NETO1: variants seen among roughly 807,000 people sequenced by gnomAD.
NETO1 encodes the protein neuropilin and tolloid like 1, also known as neuropilin and tolloid-like protein 1.
In NETO1, 26 loss-of-function variants were observed where a neutral mutation model predicts 61.3. The observed-to-expected ratio is 0.42, with a 90% CI of 0.31 to 0.59. The LOEUF (loss-of-function observed/expected upper bound fraction) is 0.59, where lower values mean the gene tolerates loss of function less well. Ranked by LOEUF, NETO1 falls within the 20% of genes least tolerant of loss-of-function variation. The pLI is 0.12. For missense variants in NETO1, 531 were observed against 662.8 expected (o/e 0.80, Z 2.18); for synonymous variants, 225 against 225.8 (o/e 1.00, Z 0.03).
intron 4 of NETO1, among the ~76,000 whole-genome samples, chr18:72,827,341 T>C (rs1451730693): frequency 6.6e-6 from 1 of 152,086 alleles, no homozygotes; most frequent in East Asian, 1.9e-4. Flanking sequence ...CAGGCCTCCA[T>C]GTACTCAGCA....
chr18:72,811,969 C>G (rs1458957405), intron 4 of NETO1, among the ~76,000 whole-genome samples: 1 of 152,176 alleles, frequency 6.6e-6, no homozygotes, highest in African/African-American at 2.4e-5. Flanking sequence ...GGGAATGAAG[C>G]AAGCAGCTCT....
chr18:72,850,366 T>C (rs1226746470), intron 4 of NETO1, among the ~76,000 whole-genome samples: 1 of 152,214 alleles, frequency 6.6e-6, no homozygotes, highest in Non-Finnish European at 1.5e-5. Context: ...TATACTCAAG[T>C]AGTTGTAATG....
chr18:72,831,040 C>T (rs957975538), intron 4 of NETO1, among the ~76,000 whole-genome samples: 6 of 152,126 alleles, frequency 3.9e-5, no homozygotes, highest in Non-Finnish European at 7.4e-5. Context: ...CCCCCTTACC[C>T]CACTACCTGA....
At chr18:72,778,720 G>A (rs2071640136) in intron 7 of NETO1, among the ~76,000 whole-genome samples, 1 of 152,030 alleles carries the variant, frequency 6.6e-6, no homozygotes, top group Non-Finnish European at 1.5e-5. Context: ...AATAACTTAG[G>A]AATTATCTAA....
At chr18:72,790,681 T>C (rs1447283969) in intron 6 of NETO1, among the ~76,000 whole-genome samples, 1 of 152,116 alleles carries the variant, frequency 6.6e-6, no homozygotes, top group Non-Finnish European at 1.5e-5. Context: ...TTCTCTAGTT[T>C]CAAACTTTCA....
chr18:72,823,699 G>T (rs980022711), intron 4 of NETO1, among the ~76,000 whole-genome samples: 18 of 152,100 alleles, frequency 1.2e-4, no homozygotes, highest in African/African-American at 4.1e-4. Flanking sequence ...TTTTTCAATA[G>T]ATTTTTAAAA....
chr18:72,773,771 T>A (rs1386321567), intron 7 of NETO1, among the ~76,000 whole-genome samples: 1 of 152,126 alleles, frequency 6.6e-6, no homozygotes, highest in Non-Finnish European at 1.5e-5. Context: ...CAATTTAACC[T>A]CTTTTCTTGA....
At chr18:72,834,684 CT>C in intron 4 of NETO1, 1 of 985,092 alleles carries the variant, frequency 1.0e-6, no homozygotes, top group South Asian at 4.7e-5. Context: ...TCAACTTTCT[CT>C]CGGAATGGGC....
At chr18:72,853,734 G>A (rs991146436) in intron 4 of NETO1, among the ~76,000 whole-genome samples, 12 of 137,882 alleles carry the variant, frequency 8.7e-5, no homozygotes, top group African/African-American at 3.3e-4. Context: ...GCCAGCCTGA[G>A]CAACAGAGTG....
chr18:72,764,617 T>C (rs955714841), intron 7 of NETO1, among the ~76,000 whole-genome samples: 1 of 152,152 alleles, frequency 6.6e-6, no homozygotes, highest in Admixed American at 6.5e-5. Context: ...CAGCTCTGAC[T>C]ACTGTGTGAG....
intron 7 of NETO1, among the ~76,000 whole-genome samples, chr18:72,760,083 T>G (rs888132951): frequency 6.6e-6 from 1 of 152,218 alleles, no homozygotes; most frequent in Admixed American, 6.5e-5. Context: ...CACGAGACCC[T>G]CCAACTAACT....
intron 4 of NETO1, among the ~76,000 whole-genome samples, chr18:72,806,155 T>A (rs374011787): frequency 1.3e-5 from 2 of 152,162 alleles, no homozygotes; most frequent in African/African-American, 4.8e-5. Flanking sequence ...TCCAAGCATA[T>A]GATCATATTT....
At chr18:72,850,879 C>T (rs1158171425) in intron 4 of NETO1, among the ~76,000 whole-genome samples, 2 of 152,148 alleles carry the variant, frequency 1.3e-5, no homozygotes, top group African/African-American at 2.4e-5. Context: ...AAGGCCTCTA[C>T]CATTCCATAA....
chr18:72,813,869 T>G (rs2040467795), intron 4 of NETO1, among the ~76,000 whole-genome samples: 1 of 152,018 alleles, frequency 6.6e-6, no homozygotes, highest in African/African-American at 2.4e-5. Context: ...GAGATAATTA[T>G]TTAGAGTTTT....
At chr18:72,829,042 C>T (rs1276664263) in intron 4 of NETO1, among the ~76,000 whole-genome samples, 1 of 151,944 alleles carries the variant, frequency 6.6e-6, no homozygotes, top group African/African-American at 2.4e-5. Context: ...ATTTGAGTGA[C>T]CAAATGAAAT....
chr18:72,773,457 A>C (rs1282689635), intron 7 of NETO1, among the ~76,000 whole-genome samples: 1 of 152,116 alleles, frequency 6.6e-6, no homozygotes, highest in Non-Finnish European at 1.5e-5. Context: ...GGATTACATA[A>C]GCGTTCTACA....
In NETO1 at chr18:72,830,555, T is replaced by C. The variant is rs2073542631; in HGVS notation, c.469+28271A>G. On this transcript the variant is annotated intron_variant, in intron 4 of 10. Coordinates refer to ENST00000327305, the MANE Select transcript of NETO1 (RefSeq NM_138966.5). The surrounding 1 kb of genome is among the most constrained non-coding windows in gnomAD (Gnocchi z 4.9). ...CTTACAATTCCTCAATGAACAGATG[T>C]ATTACAGAAGACTGCCAGAATTTTT... Among the ~76,000 whole-genome samples the C allele has an allele frequency of 6.6e-6, 1 of 152,142 alleles. No homozygotes were observed. The highest frequency in any genetic ancestry group is 1.5e-5 in the Non-Finnish European group (1 of 68,016).
chr18:72,768,781 T>G (rs1226607694), intron 7 of NETO1, among the ~76,000 whole-genome samples: 2 of 151,926 alleles, frequency 1.3e-5, no homozygotes, highest in Non-Finnish European at 2.9e-5. Context: ...AGGAAGGAAA[T>G]GTACTCTACA....
At chr18:72,853,823 T>C (rs1411607206) in intron 4 of NETO1, among the ~76,000 whole-genome samples, 1 of 152,112 alleles carries the variant, frequency 6.6e-6, no homozygotes, top group Non-Finnish European at 1.5e-5. Context: ...CATATTTTTG[T>C]GCAAAATTTA....
Sources: gnomAD v4.1 joint callset for allele counts (sites outside exome capture counted in the v4.1 genomes callset) on GRCh38, gnomAD v4.1.1 for gene constraint, Gnocchi (gnomAD v3.1) non-coding constraint, MANE v1.5 for transcripts, NCBI Gene and HGNC (gene_info 2026-07-23, HGNC 2026-07-21) for gene names.